Variants in CCDC7 observed in about 807,000 individuals in gnomAD.
CCDC7 encodes the protein coiled-coil domain-containing protein 7.
In CCDC7, 183 loss-of-function variants were observed where a neutral mutation model predicts 196.9. The ratio of observed to expected loss-of-function variants is 0.93; its 90% CI spans 0.82 to 1.05. The LOEUF is 1.05. Among genes scored for constraint, CCDC7 ranks in the 50% least tolerant of loss-of-function variants. The probability of loss-of-function intolerance (pLI) is 0.00; values close to 1 mark genes in which losing one functional copy is unlikely to be tolerated. For synonymous variants in CCDC7, 525 were observed against 484.6 expected, an observed-to-expected ratio of 1.08 and a Z score of -1.10; for missense variants, 1,540 against 1,482.2, an observed-to-expected ratio of 1.04 and a Z score of -0.64.
At chr10:32,782,965 C>T (rs897562196) in intron 29 of CCDC7, among the ~76,000 whole-genome samples, 9 of 152,106 alleles carry the variant, frequency 5.9e-5, no homozygotes, top group African/African-American at 1.9e-4. Flanking sequence ...CAGATAGTCA[C>T]GTCAAAAGAA....
At chr10:32,769,383 A>AT (rs61495038) in intron 28 of CCDC7, among the ~76,000 whole-genome samples, 51,489 of 150,628 alleles carry the variant, frequency 0.34, 11,115 homozygotes, top group Non-Finnish European at 0.49. Flanking sequence ...GTTTACTTGG[A>AT]TTTTTTTTTG....
intron 30 of CCDC7, 99 bp from the exon 32 acceptor site, chr10:32,814,267 TTAAG>T: frequency 2.4e-6 from 2 of 845,616 alleles, no homozygotes; most frequent in Non-Finnish European, 3.8e-6. Flanking sequence ...CACAAATATT[TTAAG>T]TTAGTAACAC....
intron 24 of CCDC7, among the ~76,000 whole-genome samples, chr10:32,705,418 C>G (rs979419270): frequency 2.6e-5 from 4 of 152,002 alleles, no homozygotes; most frequent in African/African-American, 7.2e-5. Flanking sequence ...AACTAACGAG[C>G]AAAAGAACCA....
chr10:32,700,795 G>C (rs900221077), intron 24 of CCDC7, among the ~76,000 whole-genome samples: 1 of 152,052 alleles, frequency 6.6e-6, no homozygotes, highest in African/African-American at 2.4e-5. Flanking sequence ...GGATTCCTAG[G>C]TATTTTATTT....
At chr10:32,735,324 A>G (rs1451433047) in intron 28 of CCDC7, among the ~76,000 whole-genome samples, 3 of 152,164 alleles carry the variant, frequency 2.0e-5, no homozygotes, top group Non-Finnish European at 4.4e-5. Flanking sequence ...CCTACCAGCA[A>G]TGAGTGAGAG....
At chr10:32,749,321 G>GA (rs1188338715) in intron 28 of CCDC7, among the ~76,000 whole-genome samples, 1 of 152,124 alleles carries the variant, frequency 6.6e-6, no homozygotes, top group Non-Finnish European at 1.5e-5. Context: ...CCTTACCTCA[G>GA]AAAAGGTATT....
chr10:32,826,623 C>G (rs897205010), intron 32 of CCDC7, among the ~76,000 whole-genome samples: 1 of 152,254 alleles, frequency 6.6e-6, no homozygotes, highest in African/African-American at 2.4e-5. Context: ...CCTGCCTTCT[C>G]TCCCCAAGCC....
intron 31 of CCDC7, among the ~76,000 whole-genome samples, chr10:32,821,104 TCAAA>T (rs2090089108): frequency 6.6e-6 from 1 of 152,032 alleles, no homozygotes; most frequent in Admixed American, 6.6e-5. Context: ...TACAATGAAC[TCAAA>T]CAAATTTACA....
At chr10:32,832,609 A>C (rs1467269362) in intron 32 of CCDC7, among the ~76,000 whole-genome samples, 1 of 152,274 alleles carries the variant, frequency 6.6e-6, no homozygotes, top group East Asian at 1.9e-4. Flanking sequence ...AAACTCAAAC[A>C]AAAAGAATCT....
At chr10:32,751,200 G>T (rs986217219) in intron 28 of CCDC7, among the ~76,000 whole-genome samples, 1 of 151,516 alleles carries the variant, frequency 6.6e-6, no homozygotes, top group African/African-American at 2.4e-5. Context: ...TTAAATTTCT[G>T]CAGTCCTCTA....
chr10:32,615,440 C>A (rs1377304985), intron 18 of CCDC7, among the ~76,000 whole-genome samples: 1 of 151,828 alleles, frequency 6.6e-6, no homozygotes, highest in Non-Finnish European at 1.5e-5. Context: ...AAGATTGGAC[C>A]GTCTTTCATA....
intron 18 of CCDC7, among the ~76,000 whole-genome samples, chr10:32,591,840 C>T (rs2137862033): frequency 6.6e-6 from 1 of 152,242 alleles, no homozygotes. Flanking sequence ...CAGGGTAGGT[C>T]CAGAAATGCC....
chr10:32,741,845 G>A (rs1447435844), intron 28 of CCDC7, among the ~76,000 whole-genome samples: 1 of 151,936 alleles, frequency 6.6e-6, no homozygotes, highest in East Asian at 1.9e-4. Flanking sequence ...TACCTCTTTT[G>A]ATGTTCTCCT....
At chr10:32,876,419 A>T (rs532316143), downstream of CCDC7, 7 of 1,593,004 alleles carry the variant, frequency 4.4e-6, no homozygotes, top group Middle Eastern at 1.7e-4. Context: ...TGAGCAAGAT[A>T]AGCAACATGA....
At chr10:32,829,063 G>T (rs1241437048) in intron 32 of CCDC7, among the ~76,000 whole-genome samples, 1 of 152,124 alleles carries the variant, frequency 6.6e-6, no homozygotes, top group African/African-American at 2.4e-5. Context: ...GATTGACCCG[G>T]ACTATCAAGA....
intron 13 of CCDC7, among the ~76,000 whole-genome samples, chr10:32,561,979 A>G (rs2055763577): frequency 7.1e-6 from 1 of 140,382 alleles, no homozygotes; most frequent in South Asian, 2.2e-4. Context: ...ATCACCACCG[A>G]TCCCACAGAA....
In CCDC7 at chr10:32,543,295, T is replaced by A; in HGVS notation, c.994-5T>A. ...TTTATTTCTGGCTTATGTAAAATTATACAGAAAACTAAGCCTACAAATAAT... is the reference window on the plus strand; with the variant it reads ...TTTATTTCTGGCTTATGTAAAATTAAACAGAAAACTAAGCCTACAAATAAT... On this transcript the variant is annotated splice_polypyrimidine_tract_variant and splice_region_variant and intron_variant, in intron 11 of 41. Transcript: ENST00000639629. The A allele has an allele frequency of 7.1e-7, 1 of 1,412,974 alleles. No homozygotes were observed. Among genetic ancestry groups the A allele is most frequent in the Non-Finnish European group, 9.4e-7 (1 of 1,065,522 alleles). The allele number at this position is 1,412,974 out of a possible 1,614,324, so 87.5% of individuals were successfully genotyped here. A position where few individuals can be genotyped will look rare whatever the true frequency, so the allele number is the denominator to read the frequency against.
intron 21 of CCDC7, among the ~76,000 whole-genome samples, chr10:32,684,967 TTTTTG>T (rs1028085946): frequency 9.4e-5 from 14 of 148,880 alleles, no homozygotes; most frequent in Middle Eastern, 3.4e-3. Flanking sequence ...ATTTTTTTTT[TTTTTG>T]AAATATACGA....
At chr10:32,475,935 G>T (rs1275279222) in intron 8 of CCDC7, among the ~76,000 whole-genome samples, 1 of 152,100 alleles carries the variant, frequency 6.6e-6, no homozygotes, top group Non-Finnish European at 1.5e-5. Context: ...CAGAAAAATT[G>T]AACAGAAATT....
Sources: allele counts gnomAD v4.1 joint callset (sites outside exome capture counted in the v4.1 genomes callset), GRCh38; gene constraint gnomAD v4.1.1; transcripts MANE v1.5; gene names NCBI Gene and HGNC (gene_info 2026-07-23, HGNC 2026-07-21).